ARFGEF3: variants seen among roughly 807,000 people sequenced by gnomAD.
ARFGEF3 encodes the protein ARFGEF family member 3.
In ARFGEF3, 96 loss-of-function variants were observed where a neutral mutation model predicts 221.7. The ratio of observed to expected loss-of-function variants is 0.43; its 90% CI spans 0.37 to 0.51. The LOEUF is 0.51. Among genes scored for constraint, ARFGEF3 ranks in the 20% least tolerant of loss-of-function variants. ARFGEF3 has a pLI of 0.00. For missense variants in ARFGEF3, 2,410 were observed against 2,789.9 expected, an observed-to-expected ratio of 0.86 and a Z score of 3.07; for synonymous variants, 1,145 against 1,126.8, an observed-to-expected ratio of 1.02 and a Z score of -0.32.
chr6:138,265,775 G>T (rs959916169), intron 12 of ARFGEF3, among the ~76,000 whole-genome samples: 3 of 152,212 alleles, frequency 2.0e-5, no homozygotes, highest in Non-Finnish European at 2.9e-5. Context: ...ATTGTAAATT[G>T]ATGAAGTTGT....
intron 25 of ARFGEF3, 74 bp downstream of exon 25, chr6:138,311,584 G>T (rs894725333): frequency 9.9e-7 from 1 of 1,011,488 alleles, no homozygotes; most frequent in Non-Finnish European, 1.5e-6. Flanking sequence ...ATGCGTGGGG[G>T]GTCTTTTGCT....
intron 12 of ARFGEF3, among the ~76,000 whole-genome samples, chr6:138,271,920 T>C (rs1779009992): frequency 6.6e-6 from 1 of 152,188 alleles, no homozygotes; most frequent in African/African-American, 2.4e-5. Flanking sequence ...ATCTAGGAGA[T>C]GCTGTTCAAG....
intron 10 of ARFGEF3, 36 bp downstream of exon 10, chr6:138,255,805 A>G (rs1262100845): frequency 1.4e-6 from 2 of 1,458,394 alleles, no homozygotes; most frequent in African/African-American, 1.4e-5. Flanking sequence ...CAGGTTTACA[A>G]GGGGGCCTGA....
At chr6:138,261,324 G>T (rs1289876029) in intron 10 of ARFGEF3, among the ~76,000 whole-genome samples, 1 of 152,186 alleles carries the variant, frequency 6.6e-6, no homozygotes, top group African/African-American at 2.4e-5. Context: ...GAGCTGAAGA[G>T]CCAGGAGCCT....
chr6:138,213,657 G>A (rs1238928975), intron 4 of ARFGEF3, among the ~76,000 whole-genome samples: 5 of 151,996 alleles, frequency 3.3e-5, no homozygotes, highest in Non-Finnish European at 5.9e-5. Flanking sequence ...TAGAGAGTAA[G>A]ATAATGATTG....
At chr6:138,248,124 T>G (rs754148638) in intron 8 of ARFGEF3, among the ~76,000 whole-genome samples, 3 of 152,136 alleles carry the variant, frequency 2.0e-5, no homozygotes, top group African/African-American at 4.8e-5. Context: ...GAGCTAGAGT[T>G]GTCATAGAAG....
chr6:138,272,825 A>T (rs1021153122), intron 12 of ARFGEF3, among the ~76,000 whole-genome samples: 1 of 152,260 alleles, frequency 6.6e-6, no homozygotes, highest in African/African-American at 2.4e-5. Flanking sequence ...GAAAATTGGT[A>T]TAAATCTATT....
intron 8 of ARFGEF3, 23 bp from the exon 9 acceptor site, chr6:138,253,857 G>A: frequency 6.5e-7 from 1 of 1,537,434 alleles, no homozygotes; most frequent in Non-Finnish European, 8.8e-7. Context: ...GTCTGCATTT[G>A]TGTCGGTTCT....
intron 1 of ARFGEF3, among the ~76,000 whole-genome samples, chr6:138,163,213 A>T (rs561879963): frequency 3.9e-5 from 6 of 152,314 alleles, no homozygotes; most frequent in Middle Eastern, 3.4e-3. Context: ...CTTAATTCAC[A>T]TATGTTTGGG....
chr6:138,251,049 ATC>A (rs1484480686), intron 8 of ARFGEF3, among the ~76,000 whole-genome samples: 1 of 152,180 alleles, frequency 6.6e-6, no homozygotes, highest in African/African-American at 2.4e-5. Context: ...GGGCACGATC[ATC>A]TGTTTTCCAG....
chr6:138,230,323 G>A (rs1778168491), intron 5 of ARFGEF3, among the ~76,000 whole-genome samples: 1 of 152,200 alleles, frequency 6.6e-6, no homozygotes, highest in African/African-American at 2.4e-5. Flanking sequence ...ATTTCAATCT[G>A]TATTGCAGCC....
chr6:138,193,767 C>T (rs1777356378), intron 2 of ARFGEF3, among the ~76,000 whole-genome samples: 1 of 152,116 alleles, frequency 6.6e-6, no homozygotes, highest in South Asian at 2.1e-4. Flanking sequence ...AATTATAATA[C>T]ATCTATTTAT....
chr6:138,162,040 C>G lies in ARFGEF3; in HGVS notation c.-47C>G. ...GGCGGCTTCCCCGGCCCGGCTCGCC[C>G]GCGCTTCTCTCCCTGTGGGCGGCGG... On this transcript the variant is annotated 5_prime_UTR_variant, in exon 1 of 34. Coordinates refer to ENST00000251691, the MANE Select transcript of ARFGEF3 (RefSeq NM_020340.5). The surrounding 1 kb of genome is among the most constrained non-coding windows in gnomAD (Gnocchi z 4.7). The G allele has an allele frequency of 1.4e-6, 2 of 1,443,986 alleles. No homozygotes were observed. Among genetic ancestry groups the G allele is most frequent in the African/African-American group, 1.5e-5 (1 of 67,614 alleles). The allele number at this position is 1,443,986 out of a possible 1,614,324, so 89.4% of individuals were successfully genotyped here. A position where few individuals can be genotyped will look rare whatever the true frequency, so the allele number is the denominator to read the frequency against.
At position 138,308,827 on chromosome 6, in the gene ARFGEF3, C is replaced by T; in HGVS notation, c.4062C>T (p.Tyr1354=). ...TCTTTGCTAATGCAGCCACTAGCTA[C>T]ATCATGTGCCTTATGAAGTTTGTCA... ...IQVFANAATS[Y]IMCLMKFVKG... The change falls in exon 24 of 34, where the codon TAC becomes TAT. Residue 1354 remains tyrosine, a synonymous_variant. Coordinates refer to ENST00000251691, the MANE Select transcript of ARFGEF3 (RefSeq NM_020340.5). 1.2e-6 allele frequency: 2 copies of T among 1,614,008 alleles called. No homozygotes were observed. The highest frequency in any genetic ancestry group is 1.7e-6 in the Non-Finnish European group (2 of 1,179,872).
intron 2 of ARFGEF3, among the ~76,000 whole-genome samples, chr6:138,185,962 A>T (rs1777175776): frequency 6.6e-6 from 1 of 152,220 alleles, no homozygotes; most frequent in African/African-American, 2.4e-5. Context: ...CTGCATTCTA[A>T]TGATAAGGGC....
Position 138,322,652 on chromosome 6 carries a change from G to A in ARFGEF3, c.4767-1019G>A, listed in dbSNP as rs537195043. 3.8e-3 allele frequency among the ~76,000 whole-genome samples: 574 copies of A among 151,954 alleles called. 2 individuals carry two copies. Among genetic ancestry groups the A allele is most frequent in the Middle Eastern group, 6.8e-3 (2 of 292 alleles). ...TCTACTAAAAATACAAAAATTAGCCGGGTGTGGTGGCGGGCGCCTGTAGTC... is the reference window on the plus strand; with the variant it reads ...TCTACTAAAAATACAAAAATTAGCCAGGTGTGGTGGCGGGCGCCTGTAGTC... On this transcript the variant is annotated intron_variant, in intron 29 of 33. Coordinates refer to ENST00000251691, the MANE Select transcript of ARFGEF3 (RefSeq NM_020340.5).
chr6:138,332,221 CA>C (rs1440103606), intron 32 of ARFGEF3, among the ~76,000 whole-genome samples: 3 of 151,600 alleles, frequency 2.0e-5, no homozygotes, highest in African/African-American at 7.3e-5. Context: ...GAGTGGGGTT[CA>C]AATGTCAGAA....
chr6:138,257,013 A>G (rs1583034990), intron 10 of ARFGEF3, among the ~76,000 whole-genome samples: 1 of 152,242 alleles, frequency 6.6e-6, no homozygotes, highest in East Asian at 1.9e-4. Flanking sequence ...AGCTCAAGCA[A>G]TCCGCCCGCC....
intron 20 of ARFGEF3, among the ~76,000 whole-genome samples, chr6:138,294,430 A>G (rs534351476): frequency 6.6e-6 from 1 of 152,358 alleles, no homozygotes; most frequent in South Asian, 2.1e-4. Context: ...TAGGGTGCAG[A>G]TAGCTTCCTT....
Sources: gnomAD v4.1 joint callset for allele counts (sites outside exome capture counted in the v4.1 genomes callset) on GRCh38, gnomAD v4.1.1 for gene constraint, Gnocchi (gnomAD v3.1) non-coding constraint, MANE v1.5 for transcripts, NCBI Gene and HGNC (gene_info 2026-07-23, HGNC 2026-07-21) for gene names.